Variants in CTNNA2 observed in about 807,000 individuals in gnomAD.
CTNNA2 encodes the protein catenin alpha-2.
In CTNNA2, 42 loss-of-function variants were observed where a neutral mutation model predicts 101.0. The ratio of observed to expected loss-of-function variants is 0.42; its 90% CI spans 0.32 to 0.54. The LOEUF is 0.54. Ranked by LOEUF, CTNNA2 falls within the 20% of genes least tolerant of loss-of-function variation. The pLI is 0.14. For missense variants in CTNNA2, 871 were observed against 1,223.1 expected (o/e 0.71, Z 4.29); for synonymous variants, 450 against 456.4 (o/e 0.99, Z 0.18).
intron 3 of CTNNA2, among the ~76,000 whole-genome samples, chr2:79,360,103 G>C (rs193074390): frequency 5.3e-5 from 8 of 152,290 alleles, no homozygotes; most frequent in Admixed American, 2.0e-4. Context: ...CTGAGACCAA[G>C]TCTGAGAACC....
intron 3 of CTNNA2, among the ~76,000 whole-genome samples, chr2:79,357,873 A>G (rs760188060): frequency 2.0e-5 from 3 of 152,290 alleles, no homozygotes; most frequent in African/African-American, 7.2e-5. Context: ...TTTAAAGCGA[A>G]GAAGGTGCTG....
intron 1 of CTNNA2, among the ~76,000 whole-genome samples, chr2:79,564,472 A>C (rs1674984242): frequency 6.6e-6 from 1 of 152,210 alleles, no homozygotes; most frequent in Admixed American, 6.5e-5. Context: ...GAGACAGAAT[A>C]TTTTAAGCTG....
intron 4 of CTNNA2, among the ~76,000 whole-genome samples, chr2:79,487,171 G>A (rs75799720): frequency 5.5e-4 from 84 of 152,262 alleles, no homozygotes; most frequent in African/African-American, 1.9e-3. Context: ...TCGTGATCTT[G>A]TAACAGTAGA....
intron 16 of CTNNA2, among the ~76,000 whole-genome samples, chr2:80,606,980 G>A: frequency 6.6e-6 from 1 of 151,856 alleles, no homozygotes; most frequent in African/African-American, 2.4e-5. Flanking sequence ...GCTAAAAACA[G>A]TCTCTGTGGA....
At chr2:79,889,158 AT>A (rs1373386465) in intron 6 of CTNNA2, among the ~76,000 whole-genome samples, 2 of 152,264 alleles carry the variant, frequency 1.3e-5, no homozygotes, top group African/African-American at 4.8e-5. Context: ...ATTTAGTTTG[AT>A]TCAGTGGTGA....
intron 1 of CTNNA2, among the ~76,000 whole-genome samples, chr2:79,528,406 GA>G (rs1394113806): frequency 6.6e-6 from 1 of 151,830 alleles, no homozygotes; most frequent in Non-Finnish European, 1.5e-5. Flanking sequence ...ATTTTGTAGA[GA>G]AAGGTCTTGC....
chr2:80,153,069 T>G (rs145844805), intron 7 of CTNNA2, among the ~76,000 whole-genome samples: 1 of 152,346 alleles, frequency 6.6e-6, no homozygotes, highest in Non-Finnish European at 1.5e-5. Context: ...AACACCGTGG[T>G]GAAATTTGCA....
At chr2:79,850,369 GCCTCCCTCCCTC>G (rs1558579116) in intron 3 of CTNNA2, among the ~76,000 whole-genome samples, 10 of 77,680 alleles carry the variant, frequency 1.3e-4, no homozygotes, top group African/African-American at 5.7e-4. Flanking sequence ...CTTCATCCCT[GCCTCCCTCCCTC>G]TGTTTGTTTC....
At chr2:79,520,266 C>G (rs1672033245) in intron 1 of CTNNA2, among the ~76,000 whole-genome samples, 1 of 152,202 alleles carries the variant, frequency 6.6e-6, no homozygotes, top group African/African-American at 2.4e-5. Context: ...CTGATCTGCT[C>G]TCTGTCACTA....
intron 7 of CTNNA2, among the ~76,000 whole-genome samples, chr2:80,227,288 T>A (rs1708943899): frequency 6.6e-6 from 1 of 152,214 alleles, no homozygotes; most frequent in African/African-American, 2.4e-5. Flanking sequence ...GTTTTTTGAA[T>A]ACTTACCAAG....
At chr2:79,451,482 A>G (rs1390873650) in intron 4 of CTNNA2, among the ~76,000 whole-genome samples, 1 of 152,024 alleles carries the variant, frequency 6.6e-6, no homozygotes, top group Admixed American at 6.6e-5. Context: ...AAACTCAGCA[A>G]CCCTCAGGAA....
intron 18 of CTNNA2, among the ~76,000 whole-genome samples, chr2:80,630,833 AG>A (rs1672213885): frequency 6.6e-6 from 1 of 152,184 alleles, no homozygotes; most frequent in African/African-American, 2.4e-5. Context: ...TATGATGATG[AG>A]TAACTCTGCC....
intron 10 of CTNNA2, among the ~76,000 whole-genome samples, 184 bp downstream of exon 10, chr2:80,545,258 G>T (rs1047583067): frequency 3.9e-5 from 6 of 152,270 alleles, no homozygotes; most frequent in Non-Finnish European, 2.9e-5. Flanking sequence ...AATTACCATG[G>T]CAGCTTGGCC....
intron 2 of CTNNA2, among the ~76,000 whole-genome samples, chr2:79,226,576 C>A (rs1674412324): frequency 6.6e-6 from 1 of 152,110 alleles, no homozygotes; most frequent in African/African-American, 2.4e-5. Flanking sequence ...GTTCAGGTGC[C>A]AGAATTTGCC....
Position 79,909,847 on chromosome 2 carries a change from A to G in CTNNA2, c.1056+50A>G, listed in dbSNP as rs1365340290. The G allele has an allele frequency of 3.3e-6, 5 of 1,519,770 alleles. No homozygotes were observed. In the South Asian group the frequency reaches 5.0e-5, roughly 15 times the overall value. 94.1% of individuals were successfully genotyped at this position (1,519,770 alleles called of 1,614,324 possible). A position where few individuals can be genotyped will look rare whatever the true frequency, so the allele number is the denominator to read the frequency against. ...ATGTCTTGGTGGATTCTGTTCTGCA[A>G]TCGTGTTGCTCTTTTGGAAGCATAG... is the stretch of plus-strand genomic sequence containing the variant. On this transcript the variant is annotated intron_variant, in intron 7 of 18. Transcript: ENST00000402739.
chr2:79,949,700 C>T (rs1688747892), intron 7 of CTNNA2, among the ~76,000 whole-genome samples: 1 of 152,114 alleles, frequency 6.6e-6, no homozygotes, highest in Admixed American at 6.6e-5. Flanking sequence ...ATCACTTGGG[C>T]CCAGTAGTTC....
intron 7 of CTNNA2, among the ~76,000 whole-genome samples, chr2:79,960,800 G>A (rs1264284310): frequency 9.2e-5 from 14 of 152,128 alleles, no homozygotes; most frequent in Admixed American, 9.2e-4. Flanking sequence ...TTTGACTGGA[G>A]CGATAAGCAA....
At chr2:79,497,989 A>G (rs1179550019) in intron 4 of CTNNA2, 1 of 152,212 alleles carries the variant, frequency 6.6e-6, no homozygotes, top group African/African-American at 2.4e-5. Flanking sequence ...TAGTTTCCTT[A>G]GACACATGAA....
At chr2:80,508,608 T>G (rs1313611977) in intron 9 of CTNNA2, among the ~76,000 whole-genome samples, 3 of 151,868 alleles carry the variant, frequency 2.0e-5, no homozygotes, top group African/African-American at 7.3e-5. Flanking sequence ...GATCAACTCT[T>G]ATCAGACCAT....
Sources: gnomAD v4.1 joint callset for allele counts (sites outside exome capture counted in the v4.1 genomes callset) on GRCh38, gnomAD v4.1.1 for gene constraint, MANE v1.5 for transcripts, NCBI Gene and HGNC (gene_info 2026-07-23, HGNC 2026-07-21) for gene names.